CNTNAP2: variants seen among roughly 807,000 people sequenced by gnomAD.
CNTNAP2 encodes the protein contactin associated protein 2.
In CNTNAP2, 98 loss-of-function variants were observed where a neutral mutation model predicts 155.2. That is an observed-to-expected ratio of 0.63 (90% CI 0.54 to 0.75). The LOEUF (loss-of-function observed/expected upper bound fraction) is 0.75. Ranked by LOEUF, CNTNAP2 falls within the 30% of genes least tolerant of loss-of-function variation. The probability of loss-of-function intolerance (pLI) is 0.00; values close to 1 mark genes in which losing one functional copy is unlikely to be tolerated. For missense variants in CNTNAP2, 1,727 were observed against 1,688.1 expected (o/e 1.02, Z -0.40); for synonymous variants, 651 against 631.2 (o/e 1.03, Z -0.47).
chr7:148,328,269 C>G (rs549416431), intron 21 of CNTNAP2, among the ~76,000 whole-genome samples: 83 of 151,998 alleles, frequency 5.5e-4, no homozygotes, highest in Non-Finnish European at 9.9e-4. Flanking sequence ...CTTGTTGGCC[C>G]GGGAAAGCTG....
intron 3 of CNTNAP2, among the ~76,000 whole-genome samples, chr7:146,921,825 A>T (rs1016648274): frequency 6.6e-6 from 1 of 152,118 alleles, no homozygotes; most frequent in Non-Finnish European, 1.5e-5. Flanking sequence ...AGCAGATGGA[A>T]ACTGAACACG....
intron 1 of CNTNAP2, among the ~76,000 whole-genome samples, chr7:146,237,058 G>T (rs77072630): frequency 0.011 from 1,699 of 152,232 alleles, 21 homozygotes; most frequent in Non-Finnish European, 0.017. Context: ...AACACGGGGG[G>T]AGCTAAAACA....
At chr7:148,087,336 T>C (rs1019196701) in intron 15 of CNTNAP2, among the ~76,000 whole-genome samples, 7 of 152,192 alleles carry the variant, frequency 4.6e-5, no homozygotes, top group African/African-American at 1.7e-4. Context: ...TATAAATTTG[T>C]TTTCATAGGA....
intron 3 of CNTNAP2, among the ~76,000 whole-genome samples, chr7:146,937,934 A>T (rs1796958088): frequency 6.6e-6 from 1 of 152,192 alleles, no homozygotes; most frequent in Non-Finnish European, 1.5e-5. Context: ...ATCTTTCTGT[A>T]CAAGGCTGGA....
At chr7:148,352,719 T>C (rs753862614) in intron 21 of CNTNAP2, among the ~76,000 whole-genome samples, 9 of 152,212 alleles carry the variant, frequency 5.9e-5, no homozygotes, top group Non-Finnish European at 1.0e-4. Context: ...TATGGGGGGC[T>C]GTGGCTTGCC....
intron 3 of CNTNAP2, among the ~76,000 whole-genome samples, chr7:147,014,269 C>T (rs62483969): frequency 0.23 from 16,825 of 72,834 alleles, 1,008 homozygotes; most frequent in South Asian, 0.29. Flanking sequence ...TTGAATTTTT[C>T]ATAGGTTTTT....
At chr7:147,408,176 A>G (rs1320124112) in intron 10 of CNTNAP2, among the ~76,000 whole-genome samples, 4 of 152,208 alleles carry the variant, frequency 2.6e-5, no homozygotes, top group African/African-American at 9.6e-5. Flanking sequence ...AAAAGCACAC[A>G]CACACACATA....
chr7:146,156,610 G>A lies in CNTNAP2; in HGVS notation c.97+39637G>A, dbSNP rs1194435319. On this transcript the variant is annotated intron_variant, in intron 1 of 23. Coordinates refer to ENST00000361727, the MANE Select transcript of CNTNAP2 (RefSeq NM_014141.6). ...GTTTTAAAGTAATAACTGCTTTACA[G>A]CATTTTTTTTTAAATGGAGTCTCAC... Among the ~76,000 whole-genome samples the A allele has an allele frequency of 2.0e-5, 3 of 146,572 alleles. No individual in the cohort carries two copies. The Admixed American group carries it at 2.1e-4, about 10-fold the overall frequency.
intron 9 of CNTNAP2, among the ~76,000 whole-genome samples, chr7:147,376,533 ACCTT>A (rs1282688441): frequency 6.6e-6 from 1 of 151,820 alleles, no homozygotes; most frequent in Non-Finnish European, 1.5e-5. Context: ...TTGTATACTA[ACCTT>A]CCTTATCTCT....
intron 14 of CNTNAP2, among the ~76,000 whole-genome samples, chr7:147,905,094 T>G (rs1305847478): frequency 1.3e-5 from 2 of 152,222 alleles, no homozygotes; most frequent in Admixed American, 1.3e-4. Flanking sequence ...TTCTAGGCAC[T>G]GGGGATAAAA....
chr7:148,175,132 A>G (rs1455481090), intron 18 of CNTNAP2, among the ~76,000 whole-genome samples: 1 of 152,202 alleles, frequency 6.6e-6, no homozygotes. Context: ...TATATGTGCC[A>G]CATTTTCTTT....
At chr7:147,552,833 C>T (rs1192030522) in intron 11 of CNTNAP2, among the ~76,000 whole-genome samples, 1 of 152,134 alleles carries the variant, frequency 6.6e-6, no homozygotes, top group Non-Finnish European at 1.5e-5. Context: ...GGTGAGCAAT[C>T]CTAGACAAGT....
In CNTNAP2 at chr7:147,443,334, C is replaced by T. The variant is rs552778756; in HGVS notation, c.1671-42601C>T. 4.3e-4 allele frequency among the ~76,000 whole-genome samples: 66 copies of T among 152,232 alleles called. No individual in the cohort carries two copies. The South Asian group carries it at 0.011, about 26-fold the overall frequency. On this transcript the variant is annotated intron_variant, in intron 10 of 23. Coordinates refer to ENST00000361727, the MANE Select transcript of CNTNAP2 (RefSeq NM_014141.6). ...GAGTCCAATGACTGAAATTGCTGCA[C>T]GCTGTCTCTCTCCTCAGCACATGGA...
rs1797489215 is a variant in CNTNAP2, at chr7:146,116,821, G to C, written c.-56G>C. 2 of 1,394,474 alleles carry C rather than the reference G, an allele frequency of 1.4e-6. No individual in the cohort carries two copies. Among genetic ancestry groups the C allele is most frequent in the Non-Finnish European group, 2.0e-6 (2 of 1,017,668 alleles). 86.4% of individuals were successfully genotyped at this position (1,394,474 alleles called of 1,614,324 possible). A position where few individuals can be genotyped will look rare whatever the true frequency, so the allele number is the denominator to read the frequency against. Reference sequence around the variant, plus strand: ...TCTCCCTTCAAGAACCCTACGGAGAGTCGGACTGCATCTCCGCAGCGAGCT... The same window carrying C: ...TCTCCCTTCAAGAACCCTACGGAGACTCGGACTGCATCTCCGCAGCGAGCT... On this transcript the variant is annotated 5_prime_UTR_variant, in exon 1 of 24. Transcript: ENST00000361727. The surrounding 1 kb of genome is among the most constrained non-coding windows in gnomAD (Gnocchi z 5.5).
chr7:146,542,792 G>A (rs961149547), intron 1 of CNTNAP2, among the ~76,000 whole-genome samples: 2 of 151,926 alleles, frequency 1.3e-5, no homozygotes, highest in African/African-American at 4.8e-5. Flanking sequence ...TTGTTTCTAG[G>A]ATTTTTCTCT....
At chr7:148,054,186 A>G (rs1313029822) in intron 15 of CNTNAP2, among the ~76,000 whole-genome samples, 1 of 151,890 alleles carries the variant, frequency 6.6e-6, no homozygotes, top group South Asian at 2.1e-4. Context: ...GTTAGCCAGG[A>G]TGTTCTTGAT....
At chr7:147,290,561 T>C (rs1805282240) in intron 8 of CNTNAP2, among the ~76,000 whole-genome samples, 1 of 151,730 alleles carries the variant, frequency 6.6e-6, no homozygotes, top group Non-Finnish European at 1.5e-5. Flanking sequence ...CTTGTGCCTG[T>C]AATCCCAGCT....
At chr7:147,662,147 C>G (rs1467510032) in intron 13 of CNTNAP2, among the ~76,000 whole-genome samples, 1 of 152,128 alleles carries the variant, frequency 6.6e-6, no homozygotes. Flanking sequence ...ACATATTAAT[C>G]AAAAACACAA....
chr7:148,197,833 T>C (rs1359822423), intron 18 of CNTNAP2, among the ~76,000 whole-genome samples: 1 of 152,158 alleles, frequency 6.6e-6, no homozygotes, highest in African/African-American at 2.4e-5. Context: ...AGCTTAAACA[T>C]CTCACCTTCA....
Sources: gnomAD v4.1 joint callset for allele counts (sites outside exome capture counted in the v4.1 genomes callset) on GRCh38, gnomAD v4.1.1 for gene constraint, Gnocchi (gnomAD v3.1) non-coding constraint, MANE v1.5 for transcripts, NCBI Gene and HGNC (gene_info 2026-07-23, HGNC 2026-07-21) for gene names.